Variants in NTRK3 observed in about 807,000 individuals in gnomAD.
The protein encoded by NTRK3 is NT-3 growth factor receptor.
NTRK3 carries 24 observed loss-of-function variants against 91.7 expected under a neutral mutation model. The ratio of observed to expected loss-of-function variants is 0.26; its 90% CI spans 0.19 to 0.37. NTRK3 has a LOEUF of 0.37. Among genes scored for constraint, NTRK3 ranks in the 10% least tolerant of loss-of-function variants. The pLI is 1.00. For synonymous variants in NTRK3, 483 were observed against 404.0 expected (o/e 1.20, Z -2.34); for missense variants, 880 against 1,068.9 (o/e 0.82, Z 2.46).
At chr15:88,144,729 G>A (rs2042724242) in intron 6 of NTRK3, among the ~76,000 whole-genome samples, 1 of 152,136 alleles carries the variant, frequency 6.6e-6, no homozygotes, top group Non-Finnish European at 1.5e-5. Context: ...CCTCCCTGTA[G>A]GATTGTTCCA....
At chr15:88,192,057 C>A (rs564384071) in intron 3 of NTRK3, among the ~76,000 whole-genome samples, 1 of 152,340 alleles carries the variant, frequency 6.6e-6, no homozygotes, top group Non-Finnish European at 1.5e-5. Context: ...CCCCTGGGAC[C>A]ACAGAAAGGA....
intron 5 of NTRK3, among the ~76,000 whole-genome samples, chr15:88,150,735 C>T (rs557302048): frequency 6.6e-6 from 1 of 152,260 alleles, no homozygotes; most frequent in African/African-American, 2.4e-5. Context: ...ACAGTAGAAG[C>T]ACCAAGCCCC....
At chr15:87,861,920 C>T (rs1440860930) in exon 19 of NTRK3, 2 of 215,596 alleles carry the variant, frequency 9.3e-6, no homozygotes, top group Admixed American at 5.8e-5. Context: ...CAGATCGTTC[C>T]TCCATTAGCA....
At chr15:87,905,022 G>C (rs1029457868) in intron 17 of NTRK3, among the ~76,000 whole-genome samples, 4 of 152,266 alleles carry the variant, frequency 2.6e-5, no homozygotes, top group African/African-American at 9.6e-5. Context: ...GTCCCTAAAA[G>C]CAGTAAAGAA....
intron 3 of NTRK3, among the ~76,000 whole-genome samples, chr15:88,207,440 A>G (rs147378388): frequency 1.3e-5 from 2 of 152,338 alleles, no homozygotes; most frequent in African/African-American, 4.8e-5. Context: ...CAATTCCTCC[A>G]AAAGCTTCTG....
At chr15:88,136,746 G>A (rs2041914543) in intron 7 of NTRK3, 137 bp from the exon 8 acceptor site, 1 of 1,059,590 alleles carries the variant, frequency 9.4e-7, no homozygotes, top group South Asian at 1.6e-5. Flanking sequence ...GTTCTTGGAA[G>A]ACCCGCAAAT....
intron 13 of NTRK3, among the ~76,000 whole-genome samples, chr15:88,052,258 C>T (rs2080903162): frequency 6.6e-6 from 1 of 152,226 alleles, no homozygotes; most frequent in Non-Finnish European, 1.5e-5. Flanking sequence ...CACCCCCTAT[C>T]ACGTCCTGGA....
chr15:88,015,657 C>G (rs2077183905), intron 14 of NTRK3, among the ~76,000 whole-genome samples: 1 of 152,174 alleles, frequency 6.6e-6, no homozygotes, highest in Admixed American at 6.5e-5. Flanking sequence ...GGCCTGTCTC[C>G]CCAGCTGGAG....
At chr15:88,075,932 T>G (rs1567344418) in intron 13 of NTRK3, among the ~76,000 whole-genome samples, 1 of 152,240 alleles carries the variant, frequency 6.6e-6, no homozygotes, top group Non-Finnish European at 1.5e-5. Context: ...AGATCATGTA[T>G]GTGAAGCACT....
At chr15:88,032,923 G>A (rs548610351) in exon 14 of NTRK3, 26 of 1,613,628 alleles carry the variant, frequency 1.6e-5, no homozygotes, top group Admixed American at 6.7e-5. Flanking sequence ...ACAGGGATGC[G>A]AGTCATGCCA....
In NTRK3 at chr15:87,944,498, CA is replaced by C. The variant is rs1360715874; in HGVS notation, c.1586-3746del. Among the ~76,000 whole-genome samples the C allele has an allele frequency of 5.3e-5, 8 of 152,296 alleles. No homozygotes were observed. In the South Asian group the frequency reaches 8.3e-4, roughly 16 times the overall value. On this transcript the variant is annotated intron_variant, in intron 14 of 18. Coordinates refer to ENST00000394480, the Ensembl canonical transcript of NTRK3. ...CCTTTCACAGGTGAGAAAACAGAGG[CA>C]GGGGGTAACTTGCCAAATTCACAGA...
At chr15:88,007,134 G>A (rs1272715330) in intron 14 of NTRK3, among the ~76,000 whole-genome samples, 1 of 152,216 alleles carries the variant, frequency 6.6e-6, no homozygotes, top group Non-Finnish European at 1.5e-5. Flanking sequence ...AGGGGTTGAT[G>A]TGCTGGGATG....
chr15:88,102,934 G>A (rs1269450420), intron 13 of NTRK3, among the ~76,000 whole-genome samples: 1 of 152,198 alleles, frequency 6.6e-6, no homozygotes, highest in Non-Finnish European at 1.5e-5. Flanking sequence ...CCTGCCATAT[G>A]ACTCACAGCC....
chr15:88,069,814 TCA>T (rs1188430351), intron 13 of NTRK3, among the ~76,000 whole-genome samples: 2 of 152,158 alleles, frequency 1.3e-5, no homozygotes, highest in African/African-American at 4.8e-5. Context: ...TTTGCTGAAC[TCA>T]CAGAGGGAAG....
intron 13 of NTRK3, among the ~76,000 whole-genome samples, chr15:88,061,553 C>T (rs530026046): frequency 3.9e-4 from 60 of 152,352 alleles, no homozygotes; most frequent in African/African-American, 1.2e-3. Context: ...GAGTGGCAGC[C>T]GGAACCCATG....
At chr15:88,154,249 G>A (rs1318721037) in intron 5 of NTRK3, among the ~76,000 whole-genome samples, 1 of 152,066 alleles carries the variant, frequency 6.6e-6, no homozygotes, top group Non-Finnish European at 1.5e-5. Flanking sequence ...CTCCACACCA[G>A]AGGTATCTGC....
chr15:88,175,531 A>C (rs2045919171), intron 5 of NTRK3, among the ~76,000 whole-genome samples: 1 of 151,426 alleles, frequency 6.6e-6, no homozygotes, highest in Non-Finnish European at 1.5e-5. Context: ...TTTCATCATG[A>C]TAATGATCAA....
At chr15:87,917,970 T>G (rs1049861360) in intron 17 of NTRK3, among the ~76,000 whole-genome samples, 1 of 151,066 alleles carries the variant, frequency 6.6e-6, no homozygotes. Flanking sequence ...AGACACATCC[T>G]GACCCTCCAT....
chr15:87,948,884 G>T (rs2070827905), intron 14 of NTRK3, among the ~76,000 whole-genome samples: 1 of 152,100 alleles, frequency 6.6e-6, no homozygotes, highest in African/African-American at 2.4e-5. Flanking sequence ...CTCGTCCCTA[G>T]GCCTTCTCTG....
Sources: gnomAD v4.1 joint callset for allele counts (sites outside exome capture counted in the v4.1 genomes callset) on GRCh38, gnomAD v4.1.1 for gene constraint, MANE v1.5 for transcripts, NCBI Gene and HGNC (gene_info 2026-07-23, HGNC 2026-07-21) for gene names.